The following HMCN2 variants were observed in gnomAD, a reference collection of about 807,000 sequenced individuals.
The protein encoded by HMCN2 is hemicentin 2, also known as hemicentin-2.
In HMCN2, 325 loss-of-function variants were observed where a neutral mutation model predicts 377.5. The observed-to-expected ratio is 0.86, with a 90% CI of 0.79 to 0.94. HMCN2 has a LOEUF of 0.94. Ranked by LOEUF, HMCN2 falls within the 40% of genes least tolerant of loss-of-function variation. The pLI is 0.00. For missense variants in HMCN2, 4,543 were observed against 4,725.3 expected (o/e 0.96, Z 1.13); for synonymous variants, 2,007 against 2,046.8 (o/e 0.98, Z 0.53).
chr9:130,391,219 G>C lies in HMCN2; in HGVS notation c.9683G>C (p.Arg3228Pro). The change falls in exon 64 of 98, where the codon CGG becomes CCG. Residue 3228 changes from arginine to proline, a missense_variant. Arg to Pro is a moderately radical substitution (Grantham distance 103, BLOSUM62 -2). Transcript: ENST00000683500. Reference sequence around the variant, plus strand: ...CCTGCCTCAGTGGCCCCCCGGATCCGGAGCTCGGGCGTGGCGCGGGAGCAC... The same window carrying C: ...CCTGCCTCAGTGGCCCCCCGGATCCCGAGCTCGGGCGTGGCGCGGGAGCAC... ...VVAVLVAPRI[R>P]SSGVAREHHV... 1 of 987,900 alleles carries C rather than the reference G, an allele frequency of 1.0e-6. No individual in the cohort carries two copies. Among genetic ancestry groups the C allele is most frequent in the Non-Finnish European group, 1.2e-6 (1 of 830,232 alleles). 61.2% of individuals were successfully genotyped at this position (987,900 alleles called of 1,614,324 possible). A position where few individuals can be genotyped will look rare whatever the true frequency, so the allele number is the denominator to read the frequency against.
In HMCN2 at chr9:130,377,785, A is replaced by G. The variant is rs1841473603; in HGVS notation, c.8198A>G (p.Asn2733Ser). The G allele has an allele frequency of 1.6e-5, 16 of 985,856 alleles. No individual in the cohort carries two copies. The highest frequency in any genetic ancestry group is 1.9e-5 in the Non-Finnish European group (16 of 830,014). The allele number at this position is 985,856 out of a possible 1,614,324, so 61.1% of individuals were successfully genotyped here. ...NVAGEDDQDF[N>S]VLIQVPPMFQ... is the part of the protein sequence containing the mutation. Reference sequence around the variant, plus strand: ...GCTGGCGAGGACGACCAGGACTTCAACGTGCTCATCCAGGGTGCGTGGCGC... The same window carrying G: ...GCTGGCGAGGACGACCAGGACTTCAGCGTGCTCATCCAGGGTGCGTGGCGC... The change falls in exon 53 of 98, where the codon AAC becomes AGC. Residue 2733 changes from asparagine to serine, a missense_variant. By Grantham distance (46) the Asn-to-Ser change is conservative. Transcript: ENST00000683500.
chr9:130,404,829 C>T, intron 80 of HMCN2, 40 bp from the exon 81 acceptor site: 1 of 1,190,794 alleles, frequency 8.4e-7, no homozygotes, highest in Non-Finnish European at 1.1e-6. Flanking sequence ...CAGCCGCCTC[C>T]CTGAGCCCCG....
intron 19 of HMCN2, among the ~76,000 whole-genome samples, chr9:130,323,690 C>CT (rs1171558401): frequency 0.032 from 4,624 of 145,300 alleles, 181 homozygotes; most frequent in African/African-American, 0.1. Flanking sequence ...CCATTGAAAG[C>CT]TTTTTTTTTT....
chr9:130,385,577 C>G lies in HMCN2; in HGVS notation c.9124C>G (p.Gln3042Glu), dbSNP rs751365496. 22 of 1,304,106 alleles carry G rather than the reference C, an allele frequency of 1.7e-5. No homozygotes were observed. The highest frequency in any genetic ancestry group is 2.2e-5 in the Non-Finnish European group (22 of 988,816). The allele number at this position is 1,304,106 out of a possible 1,614,324, so 80.8% of individuals were successfully genotyped here. ...GCCCCCAGTTCCCCCGGCCTTCAGG[C>G]AGGCTCCCAGAGGTCCCCAGGATGC... Reference protein sequence around the residue: ...LSVLVPPAFRQAPRGPQDAVL... With the variant: ...LSVLVPPAFREAPRGPQDAVL... Residue 3042 changes from glutamine (Q) to glutamate (E), a missense_variant, in exon 60 of 98, where the codon CAG (glutamine) becomes GAG (glutamate). Gln to Glu is a conservative substitution (Grantham distance 29). Around this residue, in one of 5 missense-constraint regions of HMCN2, gnomAD observed 736 missense variants for 773.2 expected, o/e 0.95. Coordinates refer to ENST00000683500, the MANE Select transcript of HMCN2 (RefSeq NM_001291815.2).
chr9:130,370,317 G>A (rs1385952700), intron 45 of HMCN2, among the ~76,000 whole-genome samples: 3 of 152,170 alleles, frequency 2.0e-5, no homozygotes, highest in African/African-American at 2.4e-5. Flanking sequence ...GGGGAAGCAC[G>A]TGCCAGGCAG....
chr9:130,355,032 G>A lies in HMCN2; in HGVS notation c.5134G>A (p.Val1712Met), dbSNP rs1291251494. ...PAGEAVLQYSVEVQVPPQLLV... is the reference protein window; with the variant it reads ...PAGEAVLQYSMEVQVPPQLLV... ...CGGGGAAGCCGTCCTGCAGTACTCC[G>A]TGGAGGTTCAGGGTGAGCCCGGCCC... The change falls in exon 32 of 98, where the codon GTG becomes ATG. Residue 1712 changes from valine (V) to methionine (M), a missense_variant. Physicochemically the swap from Val to Met is conservative, Grantham distance 21. This residue lies in a region of HMCN2 where 1,032 missense variants were observed against 1,285.1 expected (regional missense o/e 0.80). Transcript: ENST00000683500. 62 of 1,282,818 alleles carry A rather than the reference G, an allele frequency of 4.8e-5. No homozygotes were observed. The highest frequency in any genetic ancestry group is 1.1e-4 in the East Asian group (2 of 17,854). 79.5% of individuals were successfully genotyped at this position (1,282,818 alleles called of 1,614,324 possible).
rs1228027923 is a variant in HMCN2 at position 130,410,524 on chromosome 9, ATCT to A, written c.12880-40_12880-38del. On this transcript the variant is annotated intron_variant, in intron 84 of 97. Transcript: ENST00000683500. ...CCCTACCCAACTGTCTGAGCCACTC[ATCT>A]TCTTCTCTGAGCACCATGCCTCCTC... is the stretch of plus-strand genomic sequence containing the variant. The A allele has an allele frequency of 1.7e-5, 26 of 1,528,240 alleles. No homozygotes were observed. The Admixed American group carries it at 3.5e-4, about 21-fold the overall frequency. 94.7% of individuals were successfully genotyped at this position (1,528,240 alleles called of 1,614,324 possible).
Position 130,373,118 on chromosome 9 carries a change from G to T in HMCN2, c.7432G>T (p.Val2478Phe), listed in dbSNP as rs544197239. 1.1e-5 allele frequency: 11 copies of T among 980,276 alleles called. No individual in the cohort carries two copies. Among genetic ancestry groups the T allele is most frequent in the Middle Eastern group, 5.2e-4 (1 of 1,922 alleles). The allele number at this position is 980,276 out of a possible 1,614,324, so 60.7% of individuals were successfully genotyped here. ...ACAGACTGCCCATCTTATGTGCAAC[G>T]TCACAGGTAAGGGCCACATGATGTG... ...DGQTAHLMCN[V>F]TGHPQPKLTW... is the part of the protein sequence containing the mutation. Residue 2478 changes from valine (V) to phenylalanine (F), a missense_variant, in exon 48 of 98, where the codon GTC (valine) becomes TTC (phenylalanine). By Grantham distance (50) the Val-to-Phe change is conservative. Around this residue, in one of 5 missense-constraint regions of HMCN2, gnomAD observed 1,032 missense variants for 1,285.1 expected, o/e 0.80. Transcript: ENST00000683500.
intron 1 of HMCN2, among the ~76,000 whole-genome samples, chr9:130,278,155 C>T (rs955994584): frequency 2.6e-5 from 4 of 152,060 alleles, no homozygotes; most frequent in Non-Finnish European, 4.4e-5. Flanking sequence ...GACGCAGTCT[C>T]GCTCTGTCAC....
chr9:130,410,731 G>T, intron 85 of HMCN2, 79 bp downstream of exon 85: 1 of 1,193,206 alleles, frequency 8.4e-7, no homozygotes, highest in Middle Eastern at 1.9e-4. Context: ...CTAGAGGGCA[G>T]ACGGCAGGGC....
In HMCN2 at chr9:130,295,754, G is replaced by A. The variant is rs782417633; in HGVS notation, c.873G>A (p.Pro291=). 1.0e-4 allele frequency: 47 copies of A among 470,982 alleles called. 1 individual carries two copies. The highest frequency in any genetic ancestry group is 7.1e-4 in the South Asian group (46 of 64,548). The allele number at this position is 470,982 out of a possible 1,614,324, so 29.2% of individuals were successfully genotyped here. A position where few individuals can be genotyped will look rare whatever the true frequency, so the allele number is the denominator to read the frequency against. ...AKVVAFKPEH[P]GLWSIKVYSS... is the part of the protein sequence containing the mutation. ...TCGTAGCCTTTAAGCCTGAGCATCC[G>A]GGGCTGTGGTCCATCAAGGTAGGGG... The change falls in exon 6 of 98, where the codon CCG becomes CCA. Residue 291 remains proline (P), a synonymous_variant. Transcript: ENST00000683500.
At position 130,375,667 on chromosome 9, in the gene HMCN2, T is replaced by A; in HGVS notation, c.7735T>A (p.Ser2579Thr). The change falls in exon 50 of 98, where the codon TCC becomes ACC. Residue 2579 changes from serine to threonine, a missense_variant. Ser to Thr is a moderately conservative substitution (Grantham distance 58, BLOSUM62 1). Around this residue, in one of 5 missense-constraint regions of HMCN2, gnomAD observed 736 missense variants for 773.2 expected, o/e 0.95. Coordinates refer to ENST00000683500, the MANE Select transcript of HMCN2 (RefSeq NM_001291815.2). The part of the protein sequence containing the change: ...SLICEALAFP[S>T]PNITWMKDGA... ...GATCTGCGAGGCCCTGGCCTTCCCT[T>A]CCCCCAACATCACCTGGATGAAGGA... 1.0e-6 allele frequency: 1 copy of A among 985,798 alleles called. No homozygotes were observed. Among genetic ancestry groups the A allele is most frequent in the Middle Eastern group, 5.2e-4 (1 of 1,914 alleles). The allele number at this position is 985,798 out of a possible 1,614,324, so 61.1% of individuals were successfully genotyped here.
chr9:130,310,184 T>C, intron 15 of HMCN2, 123 bp downstream of exon 15: 1 of 282,848 alleles, frequency 3.5e-6, no homozygotes, highest in South Asian at 3.0e-5. Flanking sequence ...ATCATGTGGA[T>C]CCTGAGCATG....
intron 62 of HMCN2, among the ~76,000 whole-genome samples, chr9:130,389,323 C>T (rs1401032180): frequency 6.6e-6 from 1 of 152,162 alleles, no homozygotes; most frequent in East Asian, 1.9e-4. Context: ...TGACCATCAC[C>T]ACAATCAAAT....
chr9:130,352,935 A>G lies in HMCN2; in HGVS notation c.4594A>G (p.Thr1532Ala). ...ACCTCTTTCCTTCTCAGCGCCCCCC[A>G]CTATCTGGGGCTCCAACGAGACAGG... ...DFQLRVHAPP[T>A]IWGSNETGEV... is the part of the protein sequence containing the mutation. Residue 1532 changes from threonine to alanine, a missense_variant, in exon 31 of 98, where the codon ACT becomes GCT. Physicochemically the swap from Thr to Ala is moderately conservative, Grantham distance 58. Coordinates refer to ENST00000683500, the MANE Select transcript of HMCN2 (RefSeq NM_001291815.2). 4 of 1,279,518 alleles carry G rather than the reference A, an allele frequency of 3.1e-6. No homozygotes were observed. Among genetic ancestry groups the G allele is most frequent in the Non-Finnish European group, 4.1e-6 (4 of 975,156 alleles). The allele number at this position is 1,279,518 out of a possible 1,614,324, so 79.3% of individuals were successfully genotyped here.
intron 85 of HMCN2, among the ~76,000 whole-genome samples, chr9:130,416,110 T>A (rs375707401): frequency 0.42 from 61,417 of 146,522 alleles, 12,833 homozygotes; most frequent in Middle Eastern, 0.51. Context: ...ATTTTTTTTT[T>A]TTTTTTTTTT....
intron 85 of HMCN2, among the ~76,000 whole-genome samples, chr9:130,415,733 C>T (rs1020548996): frequency 6.6e-6 from 1 of 152,214 alleles, no homozygotes; most frequent in African/African-American, 2.4e-5. Context: ...ATATTTCCCA[C>T]GATGGCCAGG....
At position 130,364,951 on chromosome 9, in the gene HMCN2, T is replaced by C. The variant is rs368968800; in HGVS notation, c.6408+62T>C. On this transcript the variant is annotated intron_variant, in intron 41 of 97. Transcript: ENST00000683500. ...CTCGGCCCAAGGGCAGGGTGGGGCC[T>C]GCAGGTGCCCCAGCTCAGTGACCTG... 1.1e-5 allele frequency: 10 copies of C among 931,058 alleles called. No individual in the cohort carries two copies. In the African/African-American group the frequency reaches 1.8e-4, roughly 17 times the overall value. 57.7% of individuals were successfully genotyped at this position (931,058 alleles called of 1,614,324 possible). A position where few individuals can be genotyped will look rare whatever the true frequency, so the allele number is the denominator to read the frequency against.
At chr9:130,400,650 C>T (rs545389754) in intron 76 of HMCN2, 133 bp from the exon 77 acceptor site, 102 of 455,840 alleles carry the variant, frequency 2.2e-4, no homozygotes, top group Middle Eastern at 1.5e-3. Flanking sequence ...TGTGACTTCT[C>T]CCTCTGTTGC....
Sources: gnomAD v4.1 joint callset for allele counts (sites outside exome capture counted in the v4.1 genomes callset) on GRCh38, gnomAD v4.1.1 for gene constraint, gnomAD v4.1.1 regional missense constraint, MANE v1.5 for transcripts, NCBI Gene and HGNC (gene_info 2026-07-23, HGNC 2026-07-21) for gene names.